Variants in ACACB observed in about 807,000 individuals in gnomAD.
The protein encoded by ACACB is acetyl-CoA carboxylase beta, also known as acetyl-CoA carboxylase 2.
A neutral mutation model predicts 278.8 loss-of-function variants in ACACB; 209 were observed. The observed-to-expected ratio is 0.75, with a 90% confidence interval of 0.67 to 0.84. ACACB has a LOEUF of 0.84. Ranked by LOEUF, ACACB falls within the 40% of genes least tolerant of loss-of-function variation. The pLI, the probability that ACACB is intolerant of heterozygous loss-of-function variation, is 0.00. For synonymous variants in ACACB, 1,174 were observed against 1,285.6 expected (o/e 0.91, Z 1.86); for missense variants, 2,850 against 3,269.0 (o/e 0.87, Z 3.13).
rs537194068 is a variant in ACACB, at chr12:109,175,969, G to A, written c.1255G>A (p.Gly419Arg). 1.3e-4 allele frequency: 215 copies of A among 1,614,112 alleles called. 2 individuals are homozygous for A. In the South Asian group the frequency reaches 2.2e-3, roughly 17 times the overall value. ...GTGGACAGAAGATGATCTGCAGCAG[G>A]GAAAAAGAATCAGTGTCCCAGAAGA... Reference protein sequence around the residue: ...VEWTEDDLQQGKRISVPEDVY... With the variant: ...VEWTEDDLQQRKRISVPEDVY... The change falls in exon 8 of 53, where the codon GGA (glycine) becomes AGA (arginine). Residue 419 changes from glycine (G) to arginine (R), a missense_variant. Transcript: ENST00000338432.
In ACACB at chr12:109,260,630, T is replaced by C; in HGVS notation, c.6647T>C (p.Ile2216Thr). 1 of 1,597,226 alleles carries C rather than the reference T, an allele frequency of 6.3e-7. No individual in the cohort carries two copies. The highest frequency in any genetic ancestry group is 8.5e-7 in the Non-Finnish European group (1 of 1,172,604). ...VIDATINPLC[I>T]EMYADKESRG... ...GATGCCACCATCAACCCGCTGTGCA[T>C]AGAAATGTATGCAGACAAAGAGAGC... The change falls in exon 48 of 53, where the codon ATA becomes ACA. Residue 2216 changes from isoleucine to threonine, a missense_variant. Ile to Thr is a moderately conservative substitution (Grantham distance 89). This residue lies in a region of ACACB where 579 missense variants were observed against 684.6 expected (regional missense o/e 0.85). Coordinates refer to ENST00000338432, the MANE Select transcript of ACACB (RefSeq NM_001093.4).
At chr12:109,248,191 G>A (rs1455992551) in intron 40 of ACACB, among the ~76,000 whole-genome samples, 1 of 152,208 alleles carries the variant, frequency 6.6e-6, no homozygotes, top group African/African-American at 2.4e-5. Flanking sequence ...AAATTCCATA[G>A]TCAGATGAGT....
intron 27 of ACACB, among the ~76,000 whole-genome samples, chr12:109,226,185 C>A (rs936390630): frequency 2.0e-5 from 3 of 152,042 alleles, no homozygotes; most frequent in African/African-American, 7.2e-5. Context: ...GTGGGAGGAT[C>A]CTTTGAGCTC....
At chr12:109,155,409 T>G (rs964117630) in intron 2 of ACACB, among the ~76,000 whole-genome samples, 1 of 152,168 alleles carries the variant, frequency 6.6e-6, no homozygotes, top group Non-Finnish European at 1.5e-5. Context: ...CTCTACCTAC[T>G]TGGTTTTGTT....
At chr12:109,224,035 A>G (rs904614953) in intron 27 of ACACB, 131 bp downstream of exon 27, 3 of 799,804 alleles carry the variant, frequency 3.8e-6, no homozygotes, top group East Asian at 2.5e-5. Flanking sequence ...CAAGGTAGCT[A>G]TGTTAATAGT....
chr12:109,207,452 G>A (rs565433534), intron 20 of ACACB, among the ~76,000 whole-genome samples: 1 of 152,302 alleles, frequency 6.6e-6, no homozygotes, highest in South Asian at 2.1e-4. Flanking sequence ...AAGGCACTTT[G>A]TTTGAAACAC....
In ACACB at chr12:109,168,052, C is replaced by G. The variant is rs374025754; in HGVS notation, c.925+18C>G. 1.9e-6 allele frequency: 3 copies of G among 1,593,240 alleles called. No homozygotes were observed. Among genetic ancestry groups the G allele is most frequent in the South Asian group, 1.1e-5 (1 of 87,382 alleles). ...CAACGCAGGTACCTGGGCCTTGACC[C>G]TCTCCTCCCATCACGCTCCATCCTT... On this transcript the variant is annotated intron_variant, in intron 4 of 52. Coordinates refer to ENST00000338432, the MANE Select transcript of ACACB (RefSeq NM_001093.4).
intron 44 of ACACB, 38 bp downstream of exon 44, chr12:109,254,372 G>C: frequency 6.4e-7 from 1 of 1,572,918 alleles, no homozygotes; most frequent in Admixed American, 1.9e-5. Context: ...CCTGGTCTCG[G>C]GTTTCTTTCT....
intron 2 of ACACB, among the ~76,000 whole-genome samples, chr12:109,151,344 ATTAAG>A (rs1476635408): frequency 6.6e-6 from 1 of 152,062 alleles, no homozygotes; most frequent in Non-Finnish European, 1.5e-5. Flanking sequence ...TTGTTCTTGT[ATTAAG>A]TTAATACAAG....
At chr12:109,132,969 C>T (rs376656081) in intron 1 of ACACB, among the ~76,000 whole-genome samples, 21 of 152,108 alleles carry the variant, frequency 1.4e-4, no homozygotes, top group African/African-American at 4.8e-4. Flanking sequence ...TATCACCTGC[C>T]GTGCGTGTGT....
At position 109,139,625 on chromosome 12, in the gene ACACB, G is replaced by T; in HGVS notation, c.220G>T (p.Ala74Ser). ...CACTCTGCCCAAGACACCCAGCCAG[G>T]CCGAGCCAGCCTCCCACAAAGGCCC... ...GHTLPKTPSQ[A>S]EPASHKGPKD... The change falls in exon 2 of 53, where the codon GCC becomes TCC. Residue 74 changes from alanine (A) to serine (S), a missense_variant. By Grantham distance (99) the Ala-to-Ser change is moderately conservative. Transcript: ENST00000338432. The T allele has an allele frequency of 1.9e-6, 3 of 1,614,012 alleles. No individual in the cohort carries two copies. Among genetic ancestry groups the T allele is most frequent in the Non-Finnish European group, 2.5e-6 (3 of 1,179,966 alleles).
At chr12:109,171,641 C>T (rs1037617800) in intron 4 of ACACB, among the ~76,000 whole-genome samples, 164 bp from the exon 5 acceptor site, 10 of 152,224 alleles carry the variant, frequency 6.6e-5, no homozygotes, top group African/African-American at 1.4e-4. Flanking sequence ...TGAGCCACCA[C>T]GCCTGGCCTT....
In ACACB at chr12:109,266,290, G is replaced by A. The variant is rs1227334027; in HGVS notation, c.7305G>A (p.Gln2435=). The change falls in exon 53 of 53, where the codon CAG becomes CAA. Residue 2435 remains glutamine, a synonymous_variant. Transcript: ENST00000338432. ...TGGACTGTGTGATATACCTGAGCCA[G>A]CACATCAGCCCAGCTGAGCGGGCGC... is the stretch of plus-strand genomic sequence containing the variant. ...VAVDCVIYLS[Q]HISPAERAQV... The A allele has an allele frequency of 1.2e-6, 2 of 1,613,890 alleles. No homozygotes were observed. The highest frequency in any genetic ancestry group is 1.7e-6 in the Non-Finnish European group (2 of 1,179,968).
rs1299377412 is a variant in ACACB, at chr12:109,252,041, C to T, written c.5791-5C>T. 1 of 1,607,182 alleles carries T rather than the reference C, an allele frequency of 6.2e-7. No individual in the cohort carries two copies. The highest frequency in any genetic ancestry group is 1.3e-5 in the African/African-American group (1 of 74,728). On this transcript the variant is annotated splice_polypyrimidine_tract_variant and splice_region_variant and intron_variant, in intron 41 of 52. Coordinates refer to ENST00000338432, the MANE Select transcript of ACACB (RefSeq NM_001093.4). ...CAGAATTCAGAGGGGGTCCTCTCTC[C>T]ACAGGTGACCTGCCGAGCCATTGGG...
At chr12:109,221,090 A>C (rs1038837213) in intron 24 of ACACB, among the ~76,000 whole-genome samples, 5 of 152,146 alleles carry the variant, frequency 3.3e-5, no homozygotes, top group Non-Finnish European at 7.3e-5. Context: ...ACCACCGTTT[A>C]ATAATAGAAA....
chr12:109,185,701 C>A lies in ACACB; in HGVS notation c.1941C>A (p.His647Gln), dbSNP rs773903038. ...TPSNPPLARG[H>Q]VIAARITSEN... ...CAAACCCTCCCCTCGCCCGAGGCCA[C>A]GTCATTGCCGCCAGAATCACCAGCG... The change falls in exon 12 of 53, where the codon CAC becomes CAA. Residue 647 changes from histidine to glutamine, a missense_variant. Coordinates refer to ENST00000338432, the MANE Select transcript of ACACB (RefSeq NM_001093.4). The A allele has an allele frequency of 1.2e-6, 2 of 1,612,070 alleles. No homozygotes were observed. The highest frequency in any genetic ancestry group is 1.3e-5 in the African/African-American group (1 of 74,798).
intron 47 of ACACB, 79 bp from the exon 48 acceptor site, chr12:109,260,401 C>T: frequency 1.4e-5 from 22 of 1,553,584 alleles, no homozygotes; most frequent in Non-Finnish European, 1.9e-5. Flanking sequence ...TCTCCCAGGA[C>T]CCCCAGGACA....
Position 109,128,199 on chromosome 12 carries a change from A to G in ACACB, c.-9-11198A>G, listed in dbSNP as rs570577719. The stretch of plus-strand genomic sequence containing the variant: ...AGTTTTGCTCTGTCGCCCAGGCCGC[A>G]GTGCAGTGGTGTGATCTCGGCTCAC... On this transcript the variant is annotated intron_variant, in intron 1 of 52. Coordinates refer to ENST00000338432, the MANE Select transcript of ACACB (RefSeq NM_001093.4). Among the ~76,000 whole-genome samples the G allele has an allele frequency of 2.0e-5, 3 of 152,296 alleles. No homozygotes were observed. The East Asian group carries it at 5.8e-4, about 29-fold the overall frequency.
chr12:109,185,455 A>C (rs2044619633), intron 11 of ACACB, 124 bp from the exon 12 acceptor site: 3 of 1,024,788 alleles, frequency 2.9e-6, no homozygotes, highest in African/African-American at 3.2e-5. Flanking sequence ...TGTTGTCTAT[A>C]GAGTAGTGTC....
Sources: gnomAD v4.1 joint callset for allele counts (sites outside exome capture counted in the v4.1 genomes callset) on GRCh38, gnomAD v4.1.1 for gene constraint, gnomAD v4.1.1 regional missense constraint, MANE v1.5 for transcripts, NCBI Gene and HGNC (gene_info 2026-07-23, HGNC 2026-07-21) for gene names.